LRRC17: variants seen among roughly 807,000 people sequenced by gnomAD.
LRRC17 encodes the protein leucine-rich repeat-containing protein 17.
In LRRC17, 33 loss-of-function variants were observed where a neutral mutation model predicts 41.5. The ratio of observed to expected loss-of-function variants is 0.80; its 90% CI spans 0.60 to 1.06. The LOEUF is 1.06. Ranked by LOEUF, LRRC17 falls within the 50% of genes least tolerant of loss-of-function variation. The probability of loss-of-function intolerance (pLI) is 0.00; values close to 1 mark genes in which losing one functional copy is unlikely to be tolerated. For missense variants in LRRC17, 491 were observed against 519.3 expected (o/e 0.95, Z 0.53); for synonymous variants, 192 against 197.0 (o/e 0.97, Z 0.21).
At chr7:102,923,683 G>T (rs1470977017) in intron 1 of LRRC17, among the ~76,000 whole-genome samples, 2 of 151,956 alleles carry the variant, frequency 1.3e-5, no homozygotes, top group South Asian at 4.1e-4. Flanking sequence ...ACTTAGCCAG[G>T]CGTGGTGGCG....
intron 1 of LRRC17, 137 bp downstream of exon 1, chr7:102,913,282 C>G: frequency 1.3e-6 from 2 of 1,586,518 alleles, no homozygotes; most frequent in Admixed American, 3.5e-5. Flanking sequence ...TTTCTTAAGC[C>G]ACTATGACAA....
At position 102,944,346 on chromosome 7, in the gene LRRC17, C is replaced by T. The variant is rs1211982139; in HGVS notation, c.1065C>T (p.Asp355=). Residue 355 remains aspartate (D), a synonymous_variant, in exon 4 of 4, where the codon GAC becomes GAT. Coordinates refer to ENST00000339431, the MANE Select transcript of LRRC17 (RefSeq NM_001031692.3). ...TCAGAGATAACCCTTGGAGATGTGA[C>T]TACAACATTCACTACCTCTACTACT... ...LWLRDNPWRC[D]YNIHYLYYWL... is the part of the protein sequence containing the mutation. The T allele has an allele frequency of 6.2e-7, 1 of 1,614,072 alleles. No homozygotes were observed. The highest frequency in any genetic ancestry group is 2.2e-5 in the East Asian group (1 of 44,864).
chr7:102,924,049 G>A (rs969547019), intron 1 of LRRC17, among the ~76,000 whole-genome samples: 2 of 151,858 alleles, frequency 1.3e-5, no homozygotes, highest in African/African-American at 4.8e-5. Context: ...AGGCCAGCCC[G>A]ACCAACATAG....
chr7:102,925,654 G>A (rs540475319), intron 1 of LRRC17, among the ~76,000 whole-genome samples: 2 of 152,056 alleles, frequency 1.3e-5, no homozygotes, highest in African/African-American at 4.8e-5. Flanking sequence ...CTATTATAAA[G>A]AGGTCCGCTG....
chr7:102,931,519 C>T (rs892823758), intron 1 of LRRC17, among the ~76,000 whole-genome samples: 4 of 152,220 alleles, frequency 2.6e-5, no homozygotes, highest in Admixed American at 6.5e-5. Flanking sequence ...GAAACATATT[C>T]ATTTCCATCT....
intron 1 of LRRC17, among the ~76,000 whole-genome samples, chr7:102,913,604 A>G (rs1281957348): frequency 6.6e-6 from 1 of 152,220 alleles, no homozygotes; most frequent in African/African-American, 2.4e-5. Context: ...GAGTACCAAA[A>G]TAATGTGCAA....
chr7:102,916,322 G>A lies in LRRC17; in HGVS notation c.-141+3177G>A, dbSNP rs1199887026. Among the ~76,000 whole-genome samples the A allele has an allele frequency of 2.6e-5, 4 of 152,072 alleles. No homozygotes were observed. The East Asian group carries it at 7.7e-4, about 29-fold the overall frequency. On this transcript the variant is annotated intron_variant, in intron 1 of 3. Transcript: ENST00000339431. ...TTTTATATCCCCCATTAAAATTCAT[G>A]GAGCTCCTGAATTCTATCCCTGATC...
intron 1 of LRRC17, among the ~76,000 whole-genome samples, chr7:102,928,453 T>C (rs367644662): frequency 1.3e-5 from 2 of 152,208 alleles, no homozygotes; most frequent in African/African-American, 4.8e-5. Flanking sequence ...ACTCCTTAAA[T>C]GTAAGCCTGT....
intron 1 of LRRC17, chr7:102,933,011 A>G (rs146323386): frequency 6.6e-6 from 1 of 152,350 alleles, no homozygotes; most frequent in African/African-American, 2.4e-5. Context: ...TAGCGGGGAG[A>G]CACTAACAGT....
Position 102,939,460 on chromosome 7 carries a change from C to T in LRRC17, c.803C>T (p.Pro268Leu). The T allele has an allele frequency of 6.2e-7, 1 of 1,612,816 alleles. No homozygotes were observed. Among genetic ancestry groups the T allele is most frequent in the African/African-American group, 1.3e-5 (1 of 74,924 alleles). The part of the protein sequence containing the change: ...ELKKVPNNIP[P>L]DIVKLDLSYN... The stretch of plus-strand genomic sequence containing the variant: ...AAAAAAGTGCCAAACAACATCCCTC[C>T]AGATATTGTTAAACTTGACTTGTCA... Residue 268 changes from proline (P) to leucine (L), a missense_variant, in exon 3 of 4, where the codon CCA (proline) becomes CTA (leucine). Transcript: ENST00000339431.
intron 1 of LRRC17, chr7:102,926,358 T>C: frequency 6.2e-7 from 1 of 1,613,536 alleles, no homozygotes; most frequent in Admixed American, 1.7e-5. Flanking sequence ...CTCAGAAATG[T>C]GTCTCATTGA....
intron 3 of LRRC17, among the ~76,000 whole-genome samples, chr7:102,941,685 G>C (rs2129475547): frequency 6.6e-6 from 1 of 151,658 alleles, no homozygotes; most frequent in South Asian, 2.1e-4. Flanking sequence ...TCCTTCTGCT[G>C]TCATCCACAA....
intron 1 of LRRC17, among the ~76,000 whole-genome samples, chr7:102,929,645 CAG>C (rs1350000983): frequency 9.1e-6 from 1 of 109,928 alleles, no homozygotes; most frequent in Non-Finnish European, 1.7e-5. Flanking sequence ...GCCTGGGCAA[CAG>C]AGTGAGACTC....
intron 3 of LRRC17, among the ~76,000 whole-genome samples, chr7:102,942,845 C>T (rs1821735519): frequency 6.6e-6 from 1 of 152,042 alleles, no homozygotes; most frequent in South Asian, 2.1e-4. Context: ...CTATGCTCTA[C>T]AAGAGTATTT....
At chr7:102,921,378 G>C (rs1403618461) in intron 1 of LRRC17, among the ~76,000 whole-genome samples, 1 of 151,994 alleles carries the variant, frequency 6.6e-6, no homozygotes, top group Non-Finnish European at 1.5e-5. Flanking sequence ...CAGAAATTTT[G>C]TTCTCTATAA....
Position 102,934,561 on chromosome 7 carries a change from AAAGGAACAATT to A in LRRC17, c.649_659del (p.Lys217GlyfsTer16). 1 of 1,324,376 alleles carries A rather than the reference AAAGGAACAATT, an allele frequency of 7.6e-7. No individual in the cohort carries two copies. The highest frequency in any genetic ancestry group is 1.1e-6 in the Non-Finnish European group (1 of 921,432). 82.0% of individuals were successfully genotyped at this position (1,324,376 alleles called of 1,614,324 possible). A position where few individuals can be genotyped will look rare whatever the true frequency, so the allele number is the denominator to read the frequency against. ...CTGAACAGTTGTGTAATGAAGAAGAAAAGGAACAATTGGACCCGAAACCCCAAGTGTCAGGG... is the reference window on the plus strand; with the variant it reads ...CTGAACAGTTGTGTAATGAAGAAGAAGGACCCGAAACCCCAAGTGTCAGGG... On this transcript the variant is annotated frameshift_variant, in exon 2 of 4. Coordinates refer to ENST00000339431, the MANE Select transcript of LRRC17 (RefSeq NM_001031692.3). LOFTEE classifies it high-confidence loss of function.
chr7:102,924,238 CAAA>C (rs564121170), intron 1 of LRRC17, among the ~76,000 whole-genome samples: 18 of 54,388 alleles, frequency 3.3e-4, no homozygotes, highest in African/African-American at 8.2e-4. Context: ...AACTCCGTCT[CAAA>C]AAAAAAAAAA....
At chr7:102,941,608 G>A (rs1374600265) in intron 3 of LRRC17, among the ~76,000 whole-genome samples, 1 of 152,048 alleles carries the variant, frequency 6.6e-6, no homozygotes, top group Non-Finnish European at 1.5e-5. Context: ...CCATTGGATG[G>A]CTACAAACTA....
At position 102,913,080 on chromosome 7, in the gene LRRC17, A is replaced by G. The variant is rs41275230; in HGVS notation, c.-206A>G. 1.4e-5 allele frequency: 23 copies of G among 1,614,036 alleles called. No individual in the cohort carries two copies. Among genetic ancestry groups the G allele is most frequent in the Non-Finnish European group, 1.9e-5 (23 of 1,180,020 alleles). On this transcript the variant is annotated 5_prime_UTR_variant, in exon 1 of 4. Transcript: ENST00000339431. ...ACCGCAGCAAAGAGAAGACTGAAAG[A>G]CAAACCTGGGTGCAGCCAGAGAGGT... is the stretch of plus-strand genomic sequence containing the variant.
Sources: allele counts gnomAD v4.1 joint callset (sites outside exome capture counted in the v4.1 genomes callset), GRCh38; gene constraint gnomAD v4.1.1; transcripts MANE v1.5; gene names NCBI Gene and HGNC (gene_info 2026-07-23, HGNC 2026-07-21).